The following NMRK1 variants were observed in gnomAD, a reference collection of about 807,000 sequenced individuals.
NMRK1 encodes NRK 1.
A neutral mutation model predicts 29.9 loss-of-function variants in NMRK1; 28 were observed. That is an observed-to-expected ratio of 0.94 (90% CI 0.69 to 1.28). NMRK1 has a LOEUF of 1.28. Among genes scored for constraint, NMRK1 ranks in the 50% most tolerant of loss-of-function variants. The pLI, the probability that NMRK1 is intolerant of heterozygous loss-of-function variation, is 0.00. For synonymous variants in NMRK1, 58 were observed against 73.0 expected (o/e 0.79, Z 1.05); for missense variants, 218 against 233.1 (o/e 0.94, Z 0.42).
chr9:75,077,045 C>T lies in NMRK1; in HGVS notation c.169+114G>A, dbSNP rs564788199. 2.3e-5 allele frequency: 15 copies of T among 661,354 alleles called. No individual in the cohort carries two copies. The East Asian group carries it at 4.0e-4, about 18-fold the overall frequency. 41.0% of individuals were successfully genotyped at this position (661,354 alleles called of 1,614,324 possible). A position where few individuals can be genotyped will look rare whatever the true frequency, so the allele number is the denominator to read the frequency against. ...CTGCCTTCACAGATATAGTGAAGTT[C>T]TTTTTTTAAATTTTTGTTCCACAGA... On this transcript the variant is annotated intron_variant, in intron 4 of 8. Coordinates refer to ENST00000361092, the MANE Select transcript of NMRK1 (RefSeq NM_017881.3).
At chr9:75,077,410 A>G (rs1345850776) in intron 3 of NMRK1, 80 bp downstream of exon 3, 1 of 1,104,294 alleles carries the variant, frequency 9.1e-7, no homozygotes, top group Non-Finnish European at 1.4e-6. Context: ...CTAGCCAAAG[A>G]CTTCTTGGAT....
chr9:75,065,785 T>C (rs2376394), intron 8 of NMRK1, among the ~76,000 whole-genome samples: 20,992 of 152,256 alleles, frequency 0.14, 1,812 homozygotes, highest in Non-Finnish European at 0.19. Context: ...CAACAGAACA[T>C]TGCTTTTTAG....
At chr9:75,083,174 C>T in intron 1 of NMRK1, 24 bp from the exon 2 acceptor site, 1 of 1,191,918 alleles carries the variant, frequency 8.4e-7, no homozygotes, top group Non-Finnish European at 1.3e-6. Flanking sequence ...AACAAACAAA[C>T]AAATCAAATG....
rs1474451511 is a variant in NMRK1 at position 75,083,348 on chromosome 9, G to C, written c.-35-198C>G. ...AGTGCCAACCACTGGGGTGTGCTCA[G>C]GACTGTCAAACAGTTCAACGTCAGG... On this transcript the variant is annotated intron_variant, in intron 1 of 8. Transcript: ENST00000361092. Among the ~76,000 whole-genome samples, 7 of 152,276 alleles carry C rather than the reference G, an allele frequency of 4.6e-5. No homozygotes were observed. In the East Asian group the frequency reaches 1.4e-3, roughly 29 times the overall value.
intron 8 of NMRK1, among the ~76,000 whole-genome samples, chr9:75,065,147 G>A (rs1261279543): frequency 1.3e-5 from 2 of 152,074 alleles, no homozygotes; most frequent in African/African-American, 2.4e-5. Flanking sequence ...TTATAGGCAC[G>A]TGCCACTATG....
At chr9:75,066,700 G>T in intron 8 of NMRK1, 57 bp downstream of exon 8, 1 of 934,652 alleles carries the variant, frequency 1.1e-6, no homozygotes, top group African/African-American at 1.6e-5. Context: ...CATATGTAAT[G>T]AATGATTTTC....
At position 75,078,519 on chromosome 9, in the gene NMRK1, C is replaced by T. The variant is rs1006779607; in HGVS notation, c.30-939G>A. The T allele has an allele frequency of 1.0e-4, 131 of 1,316,200 alleles. No homozygotes were observed. In the Middle Eastern group the frequency reaches 2.0e-3, roughly 20 times the overall value. 81.5% of individuals were successfully genotyped at this position (1,316,200 alleles called of 1,614,324 possible). A position where few individuals can be genotyped will look rare whatever the true frequency, so the allele number is the denominator to read the frequency against. On this transcript the variant is annotated intron_variant, in intron 2 of 8. Transcript: ENST00000361092. The stretch of plus-strand genomic sequence containing the variant: ...GTTTTGCAGCATCGAGGAGATCACA[C>T]GGGAGGGAGGCACTTCTCGATTCAG...
chr9:75,086,764 A>G (rs1353866843), intron 1 of NMRK1, among the ~76,000 whole-genome samples: 2 of 152,342 alleles, frequency 1.3e-5, no homozygotes, highest in East Asian at 3.9e-4. Context: ...GATATTTTAA[A>G]AAGAGAAAAA....
chr9:75,074,597 G>A (rs1431541235), intron 4 of NMRK1, among the ~76,000 whole-genome samples: 1 of 152,008 alleles, frequency 6.6e-6, no homozygotes, highest in African/African-American at 2.4e-5. Flanking sequence ...ATGTTGCTCA[G>A]GCTGGTCTTG....
chr9:75,075,767 T>C (rs1338725212), intron 4 of NMRK1, among the ~76,000 whole-genome samples: 2 of 152,196 alleles, frequency 1.3e-5, no homozygotes, highest in Non-Finnish European at 2.9e-5. Context: ...AGTGGCCTAG[T>C]ACTTTGGCCA....
chr9:75,086,296 C>G (rs538676828), intron 1 of NMRK1, among the ~76,000 whole-genome samples: 42 of 152,282 alleles, frequency 2.8e-4, no homozygotes, highest in African/African-American at 9.4e-4. Context: ...AAGCTTCGTA[C>G]AAACTGTAAA....
At chr9:75,077,120 A>C in intron 4 of NMRK1, 39 bp downstream of exon 4, 2 of 1,235,254 alleles carry the variant, frequency 1.6e-6, no homozygotes, top group Non-Finnish European at 2.3e-6. Context: ...AAAGAAAATG[A>C]ACATAAGCAT....
chr9:75,069,370 C>T (rs1823559913), intron 6 of NMRK1: 1 of 481,386 alleles, frequency 2.1e-6, no homozygotes, highest in Non-Finnish European at 3.7e-6. Flanking sequence ...AACTAAGAGA[C>T]AAATAGTGTA....
intron 4 of NMRK1, among the ~76,000 whole-genome samples, chr9:75,073,043 T>A (rs1036183219): frequency 2.0e-5 from 3 of 152,166 alleles, no homozygotes; most frequent in African/African-American, 7.2e-5. Flanking sequence ...AATGCCCAGT[T>A]CTCCAGAATG....
chr9:75,061,598 G>A, intron 8 of NMRK1, 31 bp from the exon 9 acceptor site: 1 of 1,551,942 alleles, frequency 6.4e-7, no homozygotes, highest in East Asian at 2.2e-5. Flanking sequence ...GAAATTAATG[G>A]AGAATTCCAA....
rs527829017 is a variant in NMRK1 at position 75,078,759 on chromosome 9, G to A, written c.30-1179C>T. Among the ~76,000 whole-genome samples the A allele has an allele frequency of 1.8e-4, 27 of 152,148 alleles. No homozygotes were observed. The South Asian group carries it at 5.0e-3, about 28-fold the overall frequency. On this transcript the variant is annotated intron_variant, in intron 2 of 8. Transcript: ENST00000361092. ...TGTTTTCATATTATGTTGCAGTTGG[G>A]GTGGATATCTTGAAGTATCATCGAT... is the stretch of plus-strand genomic sequence containing the variant.
intron 2 of NMRK1, among the ~76,000 whole-genome samples, chr9:75,080,316 T>C (rs1164477868): frequency 1.3e-5 from 2 of 152,206 alleles, no homozygotes; most frequent in Non-Finnish European, 2.9e-5. Flanking sequence ...CTTTCCCCAG[T>C]GACTGAGTTT....
chr9:75,084,996 C>T (rs547635239), intron 1 of NMRK1, among the ~76,000 whole-genome samples: 1 of 152,060 alleles, frequency 6.6e-6, no homozygotes, highest in African/African-American at 2.4e-5. Context: ...TATGTCGGTT[C>T]AATGCTGCCA....
chr9:75,087,062 C>A (rs988393094), intron 1 of NMRK1, among the ~76,000 whole-genome samples: 1 of 152,048 alleles, frequency 6.6e-6, no homozygotes, highest in Non-Finnish European at 1.5e-5. Context: ...TCTGCCACCA[C>A]GCCCGGCTAA....
Sources: allele counts gnomAD v4.1 joint callset (sites outside exome capture counted in the v4.1 genomes callset), GRCh38; gene constraint gnomAD v4.1.1; transcripts MANE v1.5; gene names NCBI Gene and HGNC (gene_info 2026-07-23, HGNC 2026-07-21).